The following AGTPBP1 variants were observed in gnomAD, a reference collection of about 807,000 sequenced individuals.
The protein encoded by AGTPBP1 is cytosolic carboxypeptidase 1.
In AGTPBP1, 70 loss-of-function variants were observed where a neutral mutation model predicts 143.9. That is an observed-to-expected ratio of 0.49 (90% CI 0.40 to 0.59). AGTPBP1 has a LOEUF of 0.59. Ranked by LOEUF, AGTPBP1 falls within the 20% of genes least tolerant of loss-of-function variation. The pLI is 0.00. For missense variants in AGTPBP1, 1,229 were observed against 1,464.5 expected, an observed-to-expected ratio of 0.84 and a Z score of 2.62; for synonymous variants, 463 against 500.2, an observed-to-expected ratio of 0.93 and a Z score of 0.99.
chr9:85,573,623 G>A (rs1206973388), intron 25 of AGTPBP1, among the ~76,000 whole-genome samples: 12 of 149,942 alleles, frequency 8.0e-5, no homozygotes, highest in East Asian at 6.0e-4. Flanking sequence ...AGTGAGGAGC[G>A]TCTCTGCCCG....
At chr9:85,611,739 A>AG (rs1830329472) in intron 17 of AGTPBP1, among the ~76,000 whole-genome samples, 1 of 152,100 alleles carries the variant, frequency 6.6e-6, no homozygotes, top group Non-Finnish European at 1.5e-5. Context: ...GGAGTGCAAT[A>AG]GCACAGTCTC....
chr9:85,626,160 C>T (rs1287187687), intron 14 of AGTPBP1, among the ~76,000 whole-genome samples: 2 of 152,040 alleles, frequency 1.3e-5, no homozygotes, highest in African/African-American at 2.4e-5. Flanking sequence ...GTTTGCAATA[C>T]AATTTTTTAA....
intron 3 of AGTPBP1, among the ~76,000 whole-genome samples, chr9:85,687,790 C>T (rs1225308990): frequency 6.6e-6 from 1 of 151,962 alleles, no homozygotes; most frequent in East Asian, 1.9e-4. Context: ...ATCTAGGCTT[C>T]CACTGTAAGA....
intron 22 of AGTPBP1, among the ~76,000 whole-genome samples, chr9:85,586,186 C>G (rs1381109304): frequency 4.0e-5 from 5 of 125,036 alleles, no homozygotes; most frequent in Non-Finnish European, 1.7e-5. Context: ...GCCTGGGCAA[C>G]AAGAGCAAAA....
intron 12 of AGTPBP1, among the ~76,000 whole-genome samples, chr9:85,645,921 T>C (rs1024880030): frequency 6.6e-6 from 1 of 152,162 alleles, no homozygotes; most frequent in Admixed American, 6.5e-5. Flanking sequence ...ATGCAAACAC[T>C]AATTCTCACA....
chr9:85,636,617 A>G (rs1832071598), intron 13 of AGTPBP1, among the ~76,000 whole-genome samples: 1 of 152,172 alleles, frequency 6.6e-6, no homozygotes, highest in African/African-American at 2.4e-5. Context: ...GGAAACTGAC[A>G]GATAGTTCTA....
chr9:85,601,846 T>A (rs906148555), intron 17 of AGTPBP1, among the ~76,000 whole-genome samples: 2 of 151,924 alleles, frequency 1.3e-5, no homozygotes, highest in Admixed American at 6.6e-5. Context: ...CGACCTGGCA[T>A]CCTCATTCCC....
chr9:85,737,859 T>C (rs1021921790), intron 1 of AGTPBP1, among the ~76,000 whole-genome samples: 5 of 152,160 alleles, frequency 3.3e-5, no homozygotes, highest in Non-Finnish European at 5.9e-5. Context: ...ATTAAAATGC[T>C]CCCTCCCCGG....
At chr9:85,785,320 C>T in the AGTPBP1 span, among the ~76,000 whole-genome samples, 1 of 151,406 alleles carries the variant, frequency 6.6e-6, no homozygotes, top group African/African-American at 2.4e-5. Context: ...GGCGACAGAG[C>T]GAGACTCCGT....
At chr9:85,703,532 T>C (rs1472651703) in intron 2 of AGTPBP1, among the ~76,000 whole-genome samples, 2 of 152,216 alleles carry the variant, frequency 1.3e-5, no homozygotes, top group Non-Finnish European at 2.9e-5. Flanking sequence ...GAATGCTAAA[T>C]GAAAAGATTG....
chr9:85,690,643 G>A (rs766414469), intron 3 of AGTPBP1, among the ~76,000 whole-genome samples: 22 of 152,230 alleles, frequency 1.4e-4, no homozygotes, highest in Middle Eastern at 3.4e-3. Context: ...AGGGTCAGGA[G>A]TATTTTCAGT....
At chr9:85,660,369 A>C (rs969520975) in intron 9 of AGTPBP1, among the ~76,000 whole-genome samples, 2 of 152,196 alleles carry the variant, frequency 1.3e-5, no homozygotes, top group African/African-American at 4.8e-5. Flanking sequence ...AATATATGTA[A>C]GTACAGATGA....
chr9:85,667,963 G>A (rs62569194), intron 8 of AGTPBP1, among the ~76,000 whole-genome samples: 2,562 of 147,022 alleles, frequency 0.017, 24 homozygotes, highest in Middle Eastern at 0.058. Context: ...AGAAATTACC[G>A]TTAATATTGT....
At chr9:85,574,102 G>A (rs938573256) in intron 25 of AGTPBP1, among the ~76,000 whole-genome samples, 2 of 152,156 alleles carry the variant, frequency 1.3e-5, no homozygotes, top group African/African-American at 2.4e-5. Flanking sequence ...AGACATGGGA[G>A]ACTTTTCATT....
intron 4 of AGTPBP1, among the ~76,000 whole-genome samples, chr9:85,680,470 G>A (rs1281514840): frequency 1.3e-5 from 2 of 152,054 alleles, no homozygotes; most frequent in Admixed American, 1.3e-4. Flanking sequence ...TATAATCCCA[G>A]CTACTTGGGA....
chr9:85,782,455 C>T, the AGTPBP1 span, among the ~76,000 whole-genome samples: 1 of 152,056 alleles, frequency 6.6e-6, no homozygotes, highest in South Asian at 2.1e-4. Flanking sequence ...GCAGAGGTTG[C>T]AGTGAGCTGA....
intron 7 of AGTPBP1, among the ~76,000 whole-genome samples, chr9:85,670,552 T>C (rs911190247): frequency 6.6e-6 from 1 of 152,152 alleles, no homozygotes; most frequent in African/African-American, 2.4e-5. Context: ...CATTTTTAAT[T>C]CTGAACAGAT....
the AGTPBP1 span, among the ~76,000 whole-genome samples, chr9:85,785,422 A>G: frequency 6.6e-6 from 1 of 152,256 alleles, no homozygotes; most frequent in Non-Finnish European, 1.5e-5. Flanking sequence ...ATTTTTCATC[A>G]TATTAGGTCT....
intron 13 of AGTPBP1, among the ~76,000 whole-genome samples, chr9:85,637,145 G>A (rs1253276130): frequency 4.0e-5 from 6 of 150,998 alleles, no homozygotes; most frequent in Admixed American, 1.3e-4. Flanking sequence ...GGGATTAAGC[G>A]ATTCTCCTGC....
Sources: gnomAD v4.1 joint callset for allele counts (sites outside exome capture counted in the v4.1 genomes callset) on GRCh38, gnomAD v4.1.1 for gene constraint, MANE v1.5 for transcripts, NCBI Gene and HGNC (gene_info 2026-07-23, HGNC 2026-07-21) for gene names.